ZFPM1: variants seen among roughly 807,000 people sequenced by gnomAD.
The protein encoded by ZFPM1 is zinc finger protein ZFPM1.
In ZFPM1, 28 loss-of-function variants were observed where a neutral mutation model predicts 46.3. The observed-to-expected ratio is 0.60, with a 90% confidence interval of 0.45 to 0.83. The LOEUF is 0.83. Ranked by LOEUF, ZFPM1 falls within the 40% of genes least tolerant of loss-of-function variation. The pLI is 0.00. For synonymous variants in ZFPM1, 957 were observed against 675.9 expected (o/e 1.42, Z -6.45); for missense variants, 1,878 against 1,432.4 (o/e 1.31, Z -5.02).
intron 3 of ZFPM1, among the ~76,000 whole-genome samples, chr16:88,499,588 G>C (rs527829731): frequency 6.6e-6 from 1 of 152,256 alleles, no homozygotes; most frequent in Non-Finnish European, 1.5e-5. Flanking sequence ...AGGTCTGCGT[G>C]CAGTGTGGGG....
At chr16:88,530,271 C>A (rs1474136253) in intron 6 of ZFPM1, among the ~76,000 whole-genome samples, 1 of 152,174 alleles carries the variant, frequency 6.6e-6, no homozygotes, top group East Asian at 1.9e-4. Context: ...GCCCACACAG[C>A]CTGCGGAGAC....
intron 1 of ZFPM1, among the ~76,000 whole-genome samples, chr16:88,484,393 C>G (rs1597241390): frequency 6.6e-6 from 1 of 152,246 alleles, no homozygotes. Context: ...CAGGCCTTCC[C>G]TCTGGTGTCT....
rs116355540 is a variant in ZFPM1, at chr16:88,507,647, T to C, written c.269-6740T>C. Among the ~76,000 whole-genome samples the C allele has an allele frequency of 2.0e-3, 312 of 152,290 alleles. 1 individual carries two copies. The highest frequency in any genetic ancestry group is 0.01 in the Middle Eastern group (3 of 294). On this transcript the variant is annotated intron_variant, in intron 3 of 9. Transcript: ENST00000319555. ...ACAGGCCTGAGAACACCAGCCCCCA[T>C]GGGAGATGCCATCCAGCTCCGGCAG... is the stretch of plus-strand genomic sequence containing the variant.
At position 88,532,615 on chromosome 16, in the gene ZFPM1, A is replaced by G. The variant is rs56041036; in HGVS notation, c.948A>G (p.Gly316=). The change falls in exon 8 of 10, where the codon GGA becomes GGG. Residue 316 remains glycine (G), a splice_region_variant and synonymous_variant. Transcript: ENST00000319555. ...SLEIHMRSHS[G]ERPFVCLICL... ...GCTCTTACGCGCCCTGTGTTCCAGG[A>G]GAGCGGCCCTTCGTGTGCCTGATCT... 144,767 of 1,563,582 alleles carry G rather than the reference A, an allele frequency of 0.093. 8,742 individuals are homozygous for G. Among genetic ancestry groups the G allele is most frequent in the East Asian group, 0.36 (15,135 of 41,904 alleles).
At position 88,465,640 on chromosome 16, in the gene ZFPM1, G is replaced by C. The variant is rs370141759; in HGVS notation, c.40+11962G>C. 1.2e-3 allele frequency among the ~76,000 whole-genome samples: 178 copies of C among 152,370 alleles called. 1 individual carries two copies. Among genetic ancestry groups the C allele is most frequent in the African/African-American group, 4.0e-3 (165 of 41,580 alleles). ...GGCCCAGGCAGAGTCCCATTGGCCA[G>C]CTGGGGAGGGGGAGGGGCTTGCCTG... is the stretch of plus-strand genomic sequence containing the variant. On this transcript the variant is annotated intron_variant, in intron 1 of 9. Coordinates refer to ENST00000319555, the MANE Select transcript of ZFPM1 (RefSeq NM_153813.3).
intron 1 of ZFPM1, among the ~76,000 whole-genome samples, chr16:88,459,358 C>T (rs1290399112): frequency 6.6e-6 from 1 of 152,226 alleles, no homozygotes; most frequent in East Asian, 1.9e-4. Context: ...ACAGCTCTGC[C>T]ACTTACTGGC....
intron 3 of ZFPM1, among the ~76,000 whole-genome samples, chr16:88,505,679 C>T (rs995754452): frequency 2.6e-5 from 4 of 152,176 alleles, no homozygotes; most frequent in Non-Finnish European, 5.9e-5. Flanking sequence ...CACCCCCTGC[C>T]GTCAGCTCCC....
intron 4 of ZFPM1, among the ~76,000 whole-genome samples, chr16:88,524,001 CGT>C (rs1182384792): frequency 6.6e-6 from 1 of 152,172 alleles, no homozygotes; most frequent in Non-Finnish European, 1.5e-5. Context: ...AGTTGCGGCG[CGT>C]GTTTTTATCA....
chr16:88,494,998 C>T (rs1253165801), intron 3 of ZFPM1, among the ~76,000 whole-genome samples: 6 of 152,254 alleles, frequency 3.9e-5, no homozygotes, highest in Non-Finnish European at 7.3e-5. Context: ...ATGCAAATGG[C>T]TAAGCCATAA....
chr16:88,509,019 G>C (rs989100836), intron 3 of ZFPM1, among the ~76,000 whole-genome samples: 1 of 152,136 alleles, frequency 6.6e-6, no homozygotes, highest in Non-Finnish European at 1.5e-5. Context: ...TGGCCACCCC[G>C]GTCTGCCTCC....
intron 4 of ZFPM1, chr16:88,516,365 T>C: frequency 2.5e-6 from 1 of 397,728 alleles, no homozygotes; most frequent in Non-Finnish European, 4.4e-6. Context: ...CAGGCCATCC[T>C]GGGGATACGG....
chr16:88,501,509 T>C (rs1910313668), intron 3 of ZFPM1, among the ~76,000 whole-genome samples: 1 of 144,338 alleles, frequency 6.9e-6, no homozygotes, highest in Non-Finnish European at 1.5e-5. Context: ...CAGGTGCTGG[T>C]GATGATAGAG....
intron 1 of ZFPM1, among the ~76,000 whole-genome samples, chr16:88,477,277 C>A (rs1018877914): frequency 6.6e-6 from 1 of 152,216 alleles, no homozygotes; most frequent in East Asian, 1.9e-4. Flanking sequence ...GAGAAGGGCA[C>A]GGGGAAGGTG....
chr16:88,523,625 C>T (rs7202381), intron 4 of ZFPM1, among the ~76,000 whole-genome samples: 2 of 152,224 alleles, frequency 1.3e-5, no homozygotes, highest in African/African-American at 4.8e-5. Flanking sequence ...AGGGTGGCCC[C>T]TGCATCCTCA....
At chr16:88,481,539 G>A (rs764012632) in intron 1 of ZFPM1, among the ~76,000 whole-genome samples, 16 of 152,088 alleles carry the variant, frequency 1.1e-4, no homozygotes, top group Admixed American at 2.6e-4. Context: ...CCCACTGTGG[G>A]TATTGGGATG....
At chr16:88,512,379 G>A (rs943287981) in intron 3 of ZFPM1, among the ~76,000 whole-genome samples, 3 of 152,192 alleles carry the variant, frequency 2.0e-5, no homozygotes, top group Admixed American at 2.0e-4. Flanking sequence ...AGCCCCAGGT[G>A]CACAGCAGTG....
chr16:88,476,140 A>G (rs1232211416), intron 1 of ZFPM1, among the ~76,000 whole-genome samples: 1 of 152,104 alleles, frequency 6.6e-6, no homozygotes, highest in African/African-American at 2.4e-5. Flanking sequence ...ACCTTCGGCC[A>G]ACCAGGTGGG....
Position 88,535,093 on chromosome 16 carries a change from G to T in ZFPM1, c.*114G>T, listed in dbSNP as rs1309892269. On this transcript the variant is annotated 3_prime_UTR_variant, in exon 10 of 10. Transcript: ENST00000319555. ...GGGAACCCCGCCACGCACAGGCCTC[G>T]GCGGAGGGGGCCGCAGGGGGCAGCG... 3 of 1,272,070 alleles carry T rather than the reference G, an allele frequency of 2.4e-6. No individual in the cohort carries two copies. The highest frequency in any genetic ancestry group is 5.9e-5 in the East Asian group (2 of 33,918). The allele number at this position is 1,272,070 out of a possible 1,614,324, so 78.8% of individuals were successfully genotyped here.
chr16:88,509,935 G>A (rs898459483), intron 3 of ZFPM1, among the ~76,000 whole-genome samples: 5 of 152,150 alleles, frequency 3.3e-5, no homozygotes, highest in African/African-American at 4.8e-5. Context: ...TGTTGAGGGA[G>A]GCGACAGGGG....
Sources: gnomAD v4.1 joint callset for allele counts (sites outside exome capture counted in the v4.1 genomes callset) on GRCh38, gnomAD v4.1.1 for gene constraint, MANE v1.5 for transcripts, NCBI Gene and HGNC (gene_info 2026-07-23, HGNC 2026-07-21) for gene names.